The following PPM1H variants were observed in gnomAD, a reference collection of about 807,000 sequenced individuals.
PPM1H encodes the protein protein phosphatase 1H.
In PPM1H, 27 loss-of-function variants were observed where a neutral mutation model predicts 54.9. The observed-to-expected ratio is 0.49, with a 90% CI of 0.36 to 0.68. PPM1H has a LOEUF of 0.68. Ranked by LOEUF, PPM1H falls within the 30% of genes least tolerant of loss-of-function variation. The pLI is 0.00. For missense variants in PPM1H, 596 were observed against 667.8 expected (o/e 0.89, Z 1.19); for synonymous variants, 305 against 270.8 (o/e 1.13, Z -1.24).
intron 6 of PPM1H, among the ~76,000 whole-genome samples, chr12:62,708,864 C>T (rs2076190546): frequency 6.6e-6 from 1 of 152,172 alleles, no homozygotes; most frequent in South Asian, 2.1e-4. Flanking sequence ...TTTCAGCTCA[C>T]ACCCCCTCCC....
intron 1 of PPM1H, among the ~76,000 whole-genome samples, chr12:62,848,430 TCTAGGACACTTTC>T (rs1242996400): frequency 6.6e-6 from 1 of 152,194 alleles, no homozygotes; most frequent in Non-Finnish European, 1.5e-5. Flanking sequence ...ACAAATGCAA[TCTAGGACACTTTC>T]CATGGCAAGC....
intron 1 of PPM1H, among the ~76,000 whole-genome samples, chr12:62,904,349 C>T (rs1023317119): frequency 6.6e-6 from 1 of 152,060 alleles, no homozygotes; most frequent in African/African-American, 2.4e-5. Flanking sequence ...AGCAATCCTC[C>T]CACCTCAGCC....
At chr12:62,766,688 G>A (rs550080528) in intron 4 of PPM1H, among the ~76,000 whole-genome samples, 1 of 152,330 alleles carries the variant, frequency 6.6e-6, no homozygotes, top group Admixed American at 6.5e-5. Context: ...CTCTTCAGCA[G>A]GGTCCTTCAG....
chr12:62,861,717 C>T (rs1217349230), intron 1 of PPM1H, among the ~76,000 whole-genome samples: 1 of 152,190 alleles, frequency 6.6e-6, no homozygotes, highest in African/African-American at 2.4e-5. Flanking sequence ...GTCTCATTCC[C>T]TTAAGCAGGG....
At chr12:62,780,003 T>C (rs1284361913) in intron 4 of PPM1H, among the ~76,000 whole-genome samples, 1 of 152,208 alleles carries the variant, frequency 6.6e-6, no homozygotes, top group African/African-American at 2.4e-5. Context: ...AGGGACTTCA[T>C]GGGTAAAATG....
chr12:62,785,349 T>G (rs2076664793), intron 4 of PPM1H, among the ~76,000 whole-genome samples: 1 of 152,232 alleles, frequency 6.6e-6, no homozygotes, highest in Admixed American at 6.5e-5. Context: ...CTCATTTTTT[T>G]TGTATTTTTA....
intron 1 of PPM1H, among the ~76,000 whole-genome samples, chr12:62,860,422 C>T (rs886336176): frequency 1.7e-4 from 26 of 152,078 alleles, no homozygotes; most frequent in African/African-American, 6.3e-4. Flanking sequence ...GAAAGTATAC[C>T]TTTCAAGCCT....
rs117567020 is a variant in PPM1H, at chr12:62,844,561, G to A, written c.246-12282C>T. On this transcript the variant is annotated intron_variant, in intron 1 of 9. Transcript: ENST00000228705. The surrounding 1 kb of genome is among the most constrained non-coding windows in gnomAD (Gnocchi z 5.2). ...TTCACACTTTGAAGGAGACAAATGC[G>A]CTGAATGTAAGCGATTTTAAATTAG... 2.1e-3 allele frequency among the ~76,000 whole-genome samples: 327 copies of A among 152,292 alleles called. 1 individual carries two copies. The highest frequency in any genetic ancestry group is 7.0e-3 in the South Asian group (34 of 4,828).
intron 1 of PPM1H, among the ~76,000 whole-genome samples, chr12:62,922,139 A>G (rs1320024879): frequency 2.0e-5 from 3 of 152,226 alleles, no homozygotes; most frequent in African/African-American, 7.2e-5. Flanking sequence ...CACATATAGT[A>G]AGGAAGTATA....
chr12:62,875,892 C>T (rs1870151956), intron 1 of PPM1H, among the ~76,000 whole-genome samples: 1 of 152,176 alleles, frequency 6.6e-6, no homozygotes. Flanking sequence ...CATGATATTC[C>T]TGTTGACTAG....
At chr12:62,901,077 T>C (rs773937102) in intron 1 of PPM1H, among the ~76,000 whole-genome samples, 5 of 152,248 alleles carry the variant, frequency 3.3e-5, no homozygotes, top group Non-Finnish European at 7.3e-5. Flanking sequence ...TATTTCCATG[T>C]AGCCGGATAC....
rs536626572 is a variant in PPM1H at position 62,767,055 on chromosome 12, G to A, written c.869+21171C>T. On this transcript the variant is annotated intron_variant, in intron 4 of 9. Coordinates refer to ENST00000228705, the MANE Select transcript of PPM1H (RefSeq NM_020700.2). ...ATCAAGTGTGAGGGAAGTTCAAGTC[G>A]AACCCTGCCACATGCCTCATGGTAA... Among the ~76,000 whole-genome samples the A allele has an allele frequency of 3.9e-5, 6 of 152,280 alleles. No individual in the cohort carries two copies. The South Asian group carries it at 8.3e-4, about 21-fold the overall frequency.
At chr12:62,845,585 C>T (rs944018082) in intron 1 of PPM1H, among the ~76,000 whole-genome samples, 2 of 152,134 alleles carry the variant, frequency 1.3e-5, no homozygotes, top group Admixed American at 6.5e-5. Flanking sequence ...ACCTTTAATA[C>T]GGGTGTACAA....
At chr12:62,812,278 G>T (rs969011673) in intron 2 of PPM1H, among the ~76,000 whole-genome samples, 2 of 152,200 alleles carry the variant, frequency 1.3e-5, no homozygotes, top group Non-Finnish European at 2.9e-5. Context: ...ACCAGCACAG[G>T]ATGCAAATCA....
chr12:62,688,824 T>C (rs1035396150), intron 8 of PPM1H, among the ~76,000 whole-genome samples: 7 of 152,040 alleles, frequency 4.6e-5, no homozygotes, highest in African/African-American at 1.7e-4. Flanking sequence ...AGAGAAACCC[T>C]GTCTCTACTA....
intron 1 of PPM1H, among the ~76,000 whole-genome samples, chr12:62,875,868 T>A (rs1202328043): frequency 5.3e-5 from 8 of 152,224 alleles, no homozygotes; most frequent in Middle Eastern, 3.2e-3. Context: ...CACTAAGGCC[T>A]CTGTGAAGGT....
intron 1 of PPM1H, among the ~76,000 whole-genome samples, chr12:62,876,508 G>A (rs1870175047): frequency 6.6e-6 from 1 of 152,130 alleles, no homozygotes; most frequent in African/African-American, 2.4e-5. Context: ...TAATCAAGAT[G>A]GTAAAAAGAC....
Position 62,801,838 on chromosome 12 carries a change from A to G in PPM1H, c.734T>C (p.Leu245Pro). The G allele has an allele frequency of 6.2e-7, 1 of 1,613,782 alleles. No individual in the cohort carries two copies. The stretch of plus-strand genomic sequence containing the variant: ...TACCATTTCCTTGAATGCACTTTCA[A>G]GCGCTCCGATGACCAGGCACTCATG... ...IPHECLVIGA[L>P]ESAFKEMDLQ... The change falls in exon 3 of 10, where the codon CTT becomes CCT. Residue 245 changes from leucine to proline, a missense_variant. This residue lies in a region of PPM1H where 382 missense variants were observed against 387.1 expected (regional missense o/e 0.99). Transcript: ENST00000228705.
intron 3 of PPM1H, among the ~76,000 whole-genome samples, chr12:62,793,740 C>CAAAAAAAAAAAAAAAAAA (rs34457644): frequency 1.1e-4 from 7 of 61,222 alleles, no homozygotes; most frequent in African/African-American, 2.3e-4. Flanking sequence ...AACTCCGTTT[C>CAAAAAAAAAAAAAAAAAA]AAAAAAAAAA....
Sources: allele counts gnomAD v4.1 joint callset (sites outside exome capture counted in the v4.1 genomes callset), GRCh38; gene constraint gnomAD v4.1.1; regional missense constraint gnomAD v4.1.1; non-coding constraint Gnocchi (gnomAD v3.1); transcripts MANE v1.5; gene names NCBI Gene and HGNC (gene_info 2026-07-23, HGNC 2026-07-21).